SEMA3A: variants seen among roughly 807,000 people sequenced by gnomAD.
SEMA3A encodes semaphorin-3A.
A neutral mutation model predicts 97.9 loss-of-function variants in SEMA3A; 29 were observed. The ratio of observed to expected loss-of-function variants is 0.30; its 90% CI spans 0.22 to 0.40. SEMA3A has a LOEUF of 0.40. Ranked by LOEUF, SEMA3A falls within the 10% of genes least tolerant of loss-of-function variation. The probability of loss-of-function intolerance (pLI) is 1.00; values close to 1 mark genes in which losing one functional copy is unlikely to be tolerated. For missense variants in SEMA3A, 763 were observed against 951.3 expected, an observed-to-expected ratio of 0.80 and a Z score of 2.60; for synonymous variants, 321 against 323.7, an observed-to-expected ratio of 0.99 and a Z score of 0.09.
chr7:84,477,410 G>C (rs1228910), intron 1 of SEMA3A, among the ~76,000 whole-genome samples: 60,584 of 136,834 alleles, frequency 0.44, 14,335 homozygotes, highest in African/African-American at 0.62. Flanking sequence ...CTGCACTCCA[G>C]CCTGGGCTAC....
At chr7:84,156,144 C>A (rs1174577847) in intron 1 of SEMA3A, among the ~76,000 whole-genome samples, 4 of 151,934 alleles carry the variant, frequency 2.6e-5, no homozygotes, top group South Asian at 2.1e-4. Context: ...TTCATATCAT[C>A]CTTTAAAATC....
At chr7:84,057,689 C>T (rs1003295115) in intron 5 of SEMA3A, among the ~76,000 whole-genome samples, 11 of 151,582 alleles carry the variant, frequency 7.3e-5, no homozygotes, top group Admixed American at 2.6e-4. Context: ...TGCTTGAACC[C>T]GGGAGACAGA....
At chr7:84,306,899 T>C (rs2115847242) in intron 3 of SEMA3A, among the ~76,000 whole-genome samples, 1 of 152,192 alleles carries the variant, frequency 6.6e-6, no homozygotes, top group East Asian at 1.9e-4. Flanking sequence ...GCTCTGTGGC[T>C]CCTGGGGAAC....
chr7:84,339,872 G>A (rs1020923803), intron 2 of SEMA3A, among the ~76,000 whole-genome samples: 10 of 151,902 alleles, frequency 6.6e-5, no homozygotes, highest in African/African-American at 2.4e-4. Flanking sequence ...TTAATGATGA[G>A]TAATCCTAAA....
At chr7:84,466,577 G>A (rs117957800) in intron 1 of SEMA3A, among the ~76,000 whole-genome samples, 120 of 152,346 alleles carry the variant, frequency 7.9e-4, no homozygotes, top group Non-Finnish European at 1.5e-3. Flanking sequence ...TTAAGTAAGA[G>A]ATAGTTCTAT....
At chr7:84,265,220 G>A (rs990034435) in intron 3 of SEMA3A, among the ~76,000 whole-genome samples, 1 of 151,950 alleles carries the variant, frequency 6.6e-6, no homozygotes, top group Non-Finnish European at 1.5e-5. Flanking sequence ...GAACTTCTAA[G>A]CTATTACTTT....
intron 6 of SEMA3A, among the ~76,000 whole-genome samples, chr7:84,019,920 G>C (rs974342203): frequency 6.9e-6 from 1 of 145,972 alleles, no homozygotes; most frequent in Admixed American, 6.8e-5. Context: ...CTAAATTTCT[G>C]TATATATTCT....
chr7:84,056,181 C>G (rs1438426535), intron 5 of SEMA3A, among the ~76,000 whole-genome samples: 1 of 149,656 alleles, frequency 6.7e-6, no homozygotes, highest in Non-Finnish European at 1.5e-5. Context: ...TGGAAGCTTT[C>G]TTAACTCTCT....
At chr7:84,335,023 T>C (rs1314303344) in intron 2 of SEMA3A, among the ~76,000 whole-genome samples, 4 of 152,190 alleles carry the variant, frequency 2.6e-5, no homozygotes, top group African/African-American at 9.7e-5. Context: ...ATGCTGTATA[T>C]ATTTTCTACT....
intron 14 of SEMA3A, among the ~76,000 whole-genome samples, chr7:83,977,797 TTTC>T (rs1282353215): frequency 1.7e-4 from 25 of 149,828 alleles, no homozygotes; most frequent in African/African-American, 2.2e-4. Flanking sequence ...CCTTTTTTTT[TTTC>T]TTTCTTTCTT....
At chr7:84,488,980 G>A (rs1273640385) in intron 1 of SEMA3A, 1 of 152,084 alleles carries the variant, frequency 6.6e-6, no homozygotes, top group East Asian at 1.9e-4. Context: ...CTCAAGCAAA[G>A]TTAATTTGAA....
chr7:84,404,688 C>T (rs1804020015), intron 1 of SEMA3A, among the ~76,000 whole-genome samples: 1 of 152,062 alleles, frequency 6.6e-6, no homozygotes, highest in Non-Finnish European at 1.5e-5. Flanking sequence ...AGACTAACAG[C>T]TGATCTCTTG....
intron 1 of SEMA3A, among the ~76,000 whole-genome samples, chr7:84,402,300 C>T (rs1319242056): frequency 6.6e-6 from 1 of 152,170 alleles, no homozygotes; most frequent in East Asian, 1.9e-4. Flanking sequence ...CAAATATCAT[C>T]TCATCCTAGT....
At chr7:84,359,212 G>C (rs902492632) in intron 2 of SEMA3A, among the ~76,000 whole-genome samples, 2 of 152,100 alleles carry the variant, frequency 1.3e-5, no homozygotes, top group Non-Finnish European at 2.9e-5. Context: ...TCCCTGTCTT[G>C]TGCCAGTTTT....
chr7:84,429,650 C>T (rs1008049004), intron 1 of SEMA3A, among the ~76,000 whole-genome samples: 1 of 147,954 alleles, frequency 6.8e-6, no homozygotes, highest in African/African-American at 2.5e-5. Context: ...TACACCCTTC[C>T]CCTAAAAATA....
chr7:84,430,732 G>A (rs1474919533), intron 1 of SEMA3A, among the ~76,000 whole-genome samples: 1 of 151,802 alleles, frequency 6.6e-6, no homozygotes. Flanking sequence ...AGTTCAAGGT[G>A]AAGAAGAATT....
chr7:84,114,011 A>C (rs1795350372), intron 3 of SEMA3A, among the ~76,000 whole-genome samples: 1 of 152,172 alleles, frequency 6.6e-6, no homozygotes, highest in Admixed American at 6.6e-5. Context: ...AAAAAGATAC[A>C]GGAGCCAAAA....
At chr7:84,335,003 A>T (rs763172816) in intron 2 of SEMA3A, among the ~76,000 whole-genome samples, 18 of 152,252 alleles carry the variant, frequency 1.2e-4, no homozygotes, top group Non-Finnish European at 2.2e-4. Context: ...AATGTGGTAC[A>T]ATTTCTAACA....
intron 3 of SEMA3A, among the ~76,000 whole-genome samples, chr7:84,293,812 T>C (rs185825489): frequency 6.6e-6 from 1 of 152,186 alleles, no homozygotes; most frequent in African/African-American, 2.4e-5. Flanking sequence ...TGAACTTCAT[T>C]TCTTATGCTA....
Sources: allele counts gnomAD v4.1 joint callset (sites outside exome capture counted in the v4.1 genomes callset), GRCh38; gene constraint gnomAD v4.1.1; transcripts MANE v1.5; gene names NCBI Gene and HGNC (gene_info 2026-07-23, HGNC 2026-07-21).